ZMYND8: variants seen among roughly 807,000 people sequenced by gnomAD.
ZMYND8 encodes MYND-type zinc finger-containing chromatin reader ZMYND8.
A neutral mutation model predicts 140.8 loss-of-function variants in ZMYND8; 37 were observed. The ratio of observed to expected loss-of-function variants is 0.26; its 90% CI spans 0.20 to 0.35. The LOEUF (loss-of-function observed/expected upper bound fraction) is 0.35, where lower values mean the gene tolerates loss of function less well. Among genes scored for constraint, ZMYND8 ranks in the 10% least tolerant of loss-of-function variants. The probability of loss-of-function intolerance (pLI) is 1.00; values close to 1 mark genes in which losing one functional copy is unlikely to be tolerated. For synonymous variants in ZMYND8, 592 were observed against 597.1 expected (o/e 0.99, Z 0.12); for missense variants, 1,068 against 1,570.0 (o/e 0.68, Z 5.40).
At chr20:47,319,613 G>T (rs1003507245) in intron 2 of ZMYND8, 1 of 154,246 alleles carries the variant, frequency 6.5e-6, no homozygotes, top group Admixed American at 6.4e-5. Context: ...TTCCAAACTC[G>T]CCTGGCAGGA....
chr20:47,272,989 C>T (rs543111088), intron 11 of ZMYND8, among the ~76,000 whole-genome samples: 13 of 152,270 alleles, frequency 8.5e-5, no homozygotes, highest in African/African-American at 3.1e-4. Context: ...CAGCAGATGG[C>T]AGTAGGGTGC....
At chr20:47,342,876 G>C (rs1031633187) in intron 2 of ZMYND8, among the ~76,000 whole-genome samples, 3 of 148,400 alleles carry the variant, frequency 2.0e-5, no homozygotes, top group African/African-American at 7.5e-5. Context: ...AAGAAAGAAA[G>C]AAACCAGGAT....
chr20:47,265,055 T>TAC (rs2147612614), intron 11 of ZMYND8, among the ~76,000 whole-genome samples: 5 of 146,768 alleles, frequency 3.4e-5, no homozygotes, highest in Non-Finnish European at 4.5e-5. Flanking sequence ...TATATATACA[T>TAC]ATATATATAT....
rs766327221 is a variant in ZMYND8 at position 47,276,373 on chromosome 20, G to T, written c.1421C>A (p.Ala474Asp). The T allele has an allele frequency of 1.2e-6, 2 of 1,604,850 alleles. No homozygotes were observed. The highest frequency in any genetic ancestry group is 1.7e-6 in the Non-Finnish European group (2 of 1,172,584). ...SDVEQDAEKK[A>D]TSSHFSASEE... ...GCTCGCACTGAAGTGGCTCGACGTG[G>T]CCTTCTTCTCAGCATCCTGCTCCAC... The change falls in exon 11 of 23, where the codon GCC becomes GAC. Residue 474 changes from alanine to aspartate, a missense_variant. By Grantham distance (126) the Ala-to-Asp change is moderately radical (BLOSUM62 -2). This residue lies in a region of ZMYND8 where 173 missense variants were observed against 223.3 expected (regional missense o/e 0.77). Coordinates refer to ENST00000471951, the MANE Select transcript of ZMYND8 (RefSeq NM_001281775.3).
chr20:47,240,181 C>T (rs147722074), intron 14 of ZMYND8, among the ~76,000 whole-genome samples: 1 of 151,906 alleles, frequency 6.6e-6, no homozygotes, highest in Non-Finnish European at 1.5e-5. Context: ...CACTGCACTC[C>T]GGTCTGTGAG....
chr20:47,249,395 C>A lies in ZMYND8; in HGVS notation c.1666G>T (p.Val556Phe). The change falls in exon 13 of 23, where the codon GTC becomes TTC. Residue 556 changes from valine to phenylalanine, a missense_variant. Physicochemically the swap from Val to Phe is conservative, Grantham distance 50 (BLOSUM62 -1). This residue lies in a region of ZMYND8 where 173 missense variants were observed against 223.3 expected (regional missense o/e 0.77). Transcript: ENST00000471951. ...GGAACAGGGGTGGACTGTTGCTGGA[C>A]CGACTCGCTCAGCTCCTTCAAATCC... The part of the protein sequence containing the change: ...EMDLKELSES[V>F]QQQSTPVPLI... 1 of 1,614,134 alleles carries A rather than the reference C, an allele frequency of 6.2e-7. No individual in the cohort carries two copies. The highest frequency in any genetic ancestry group is 8.5e-7 in the Non-Finnish European group (1 of 1,180,016).
chr20:47,334,603 A>ATAT (rs1231755817), intron 2 of ZMYND8, among the ~76,000 whole-genome samples: 4 of 145,074 alleles, frequency 2.8e-5, no homozygotes, highest in African/African-American at 1.1e-4. Context: ...GTGAAAAAAA[A>ATAT]AAATATATAT....
intron 11 of ZMYND8, among the ~76,000 whole-genome samples, chr20:47,273,229 T>C (rs936171660): frequency 2.6e-5 from 4 of 152,074 alleles, no homozygotes; most frequent in African/African-American, 9.7e-5. Context: ...TTTTTAATGG[T>C]TGGGGGGAAA....
chr20:47,255,594 G>GTATA (rs1284777204), intron 12 of ZMYND8, among the ~76,000 whole-genome samples: 38 of 124,310 alleles, frequency 3.1e-4, no homozygotes, highest in Non-Finnish European at 4.6e-4. Context: ...GTGTGTGTGT[G>GTATA]TATATATATA....
At chr20:47,344,761 T>TC (rs1316805060) in intron 2 of ZMYND8, among the ~76,000 whole-genome samples, 1 of 152,210 alleles carries the variant, frequency 6.6e-6, no homozygotes, top group Admixed American at 6.5e-5. Flanking sequence ...GGCACTATCC[T>TC]CAAAACTTTT....
intron 3 of ZMYND8, among the ~76,000 whole-genome samples, chr20:47,307,077 G>A (rs2078545814): frequency 6.6e-6 from 1 of 152,126 alleles, no homozygotes; most frequent in African/African-American, 2.4e-5. Flanking sequence ...CCAAGGTGAT[G>A]GCATTAGAGA....
chr20:47,255,524 TATGGTGGATATATATACAC>T (rs1157157360), intron 12 of ZMYND8, among the ~76,000 whole-genome samples: 7 of 147,890 alleles, frequency 4.7e-5, no homozygotes, highest in South Asian at 2.2e-4. Flanking sequence ...TACATATGCA[TATGGTGGATATATATACAC>T]ACCATATACA....
chr20:47,335,474 C>T (rs1206226646), intron 2 of ZMYND8, among the ~76,000 whole-genome samples: 1 of 151,742 alleles, frequency 6.6e-6, no homozygotes, highest in African/African-American at 2.4e-5. Context: ...CTCAAGTCAT[C>T]GGTAAAGGAT....
At chr20:47,303,965 ATCTCC>A (rs1381065394) in intron 3 of ZMYND8, among the ~76,000 whole-genome samples, 1 of 152,104 alleles carries the variant, frequency 6.6e-6, no homozygotes, top group African/African-American at 2.4e-5. Flanking sequence ...TGCCTGGTTA[ATCTCC>A]TTATCAATCA....
intron 12 of ZMYND8, among the ~76,000 whole-genome samples, chr20:47,255,720 GTGTATA>G (rs1336979329): frequency 1.5e-4 from 4 of 27,240 alleles, no homozygotes; most frequent in Non-Finnish European, 2.3e-4. Flanking sequence ...CCGTGTATGT[GTGTATA>G]TATATATATA....
At chr20:47,340,212 G>C (rs576607355) in intron 2 of ZMYND8, among the ~76,000 whole-genome samples, 40 of 152,278 alleles carry the variant, frequency 2.6e-4, no homozygotes, top group South Asian at 6.2e-4. Flanking sequence ...CTCCCAAAGT[G>C]CTGGGATTAC....
At chr20:47,312,651 A>C (rs556058123) in intron 2 of ZMYND8, among the ~76,000 whole-genome samples, 1 of 152,240 alleles carries the variant, frequency 6.6e-6, no homozygotes, top group South Asian at 2.1e-4. Flanking sequence ...TTAGCTAGGC[A>C]TGGTAGCGCA....
At chr20:47,334,609 T>C (rs537377023) in intron 2 of ZMYND8, among the ~76,000 whole-genome samples, 6 of 143,488 alleles carry the variant, frequency 4.2e-5, no homozygotes, top group Non-Finnish European at 7.4e-5. Flanking sequence ...AAAAAAAATA[T>C]ATATATATAT....
At chr20:47,211,988 G>T (rs1430618039) in intron 22 of ZMYND8, among the ~76,000 whole-genome samples, 2 of 152,154 alleles carry the variant, frequency 1.3e-5, no homozygotes, top group African/African-American at 4.8e-5. Flanking sequence ...GTGACCAAAA[G>T]GGAGCAATAC....
Sources: allele counts gnomAD v4.1 joint callset (sites outside exome capture counted in the v4.1 genomes callset), GRCh38; gene constraint gnomAD v4.1.1; regional missense constraint gnomAD v4.1.1; transcripts MANE v1.5; gene names NCBI Gene and HGNC (gene_info 2026-07-23, HGNC 2026-07-21).